The following CALB2 variants were observed in gnomAD, a reference collection of about 807,000 sequenced individuals.
CALB2 encodes calretinin.
In CALB2, 34 loss-of-function variants were observed where a neutral mutation model predicts 45.9. That is an observed-to-expected ratio of 0.74 (90% CI 0.56 to 0.99). CALB2 has a LOEUF of 0.99. CALB2 is among the 50% of genes least tolerant of loss of function. The probability of loss-of-function intolerance (pLI) is 0.00; values close to 1 mark genes in which losing one functional copy is unlikely to be tolerated. For synonymous variants in CALB2, 142 were observed against 129.6 expected (o/e 1.10, Z -0.65); for missense variants, 344 against 339.3 (o/e 1.01, Z -0.11).
intron 1 of CALB2, among the ~76,000 whole-genome samples, chr16:71,370,927 C>T (rs2042343439): frequency 6.6e-6 from 1 of 152,138 alleles, no homozygotes; most frequent in South Asian, 2.1e-4. Context: ...CCTAAAGGAC[C>T]TCTCACTACT....
At chr16:71,369,929 C>T (rs1416059606) in intron 1 of CALB2, among the ~76,000 whole-genome samples, 3 of 152,066 alleles carry the variant, frequency 2.0e-5, no homozygotes, top group Admixed American at 1.3e-4. Context: ...GTCTTTTTGC[C>T]TAGAAAGCCC....
Position 71,389,898 on chromosome 16 carries a change from C to T in CALB2, c.*33C>T, listed in dbSNP as rs200354942. On this transcript the variant is annotated 3_prime_UTR_variant, in exon 11 of 11. Coordinates refer to ENST00000302628, the MANE Select transcript of CALB2 (RefSeq NM_001740.5). ...ACGGGGGCTGCTTCTCCACCTCCCCCAAACCCTGCTTCTGCTGCCCTGATG... is the reference window on the plus strand; with the variant it reads ...ACGGGGGCTGCTTCTCCACCTCCCCTAAACCCTGCTTCTGCTGCCCTGATG... The T allele has an allele frequency of 2.3e-5, 34 of 1,488,472 alleles. No homozygotes were observed. The highest frequency in any genetic ancestry group is 2.1e-4 in the Middle Eastern group (1 of 4,696). 92.2% of individuals were successfully genotyped at this position (1,488,472 alleles called of 1,614,324 possible). A position where few individuals can be genotyped will look rare whatever the true frequency, so the allele number is the denominator to read the frequency against.
At chr16:71,383,343 C>A in intron 5 of CALB2, 24 bp from the exon 6 acceptor site, 3 of 1,611,254 alleles carry the variant, frequency 1.9e-6, no homozygotes, top group Non-Finnish European at 2.5e-6. Flanking sequence ...GTCAGGAGTA[C>A]TAAAGAGGCC....
intron 3 of CALB2, 114 bp from the exon 4 acceptor site, chr16:71,377,553 G>C (rs771299430): frequency 1.8e-5 from 12 of 680,944 alleles, no homozygotes; most frequent in Non-Finnish European, 2.9e-5. Context: ...GGAAGAAAAC[G>C]CAATTCCCAC....
At position 71,384,378 on chromosome 16, in the gene CALB2, G is replaced by A. The variant is rs777512549; in HGVS notation, c.573G>A (p.Gln191=). The part of the protein sequence containing the change: ...PVQENFLLKF[Q]GMKLTSEEFN... Reference sequence around the variant, plus strand: ...AGGAAAACTTCCTGCTTAAATTTCAGGTAAAACTTTGCTTTCCTTCCTTCC... The same window carrying A: ...AGGAAAACTTCCTGCTTAAATTTCAAGTAAAACTTTGCTTTCCTTCCTTCC... The change falls in exon 8 of 11, where the codon CAG becomes CAA. Residue 191 remains glutamine (Q), a splice_region_variant and synonymous_variant. Coordinates refer to ENST00000302628, the MANE Select transcript of CALB2 (RefSeq NM_001740.5). 1.2e-6 allele frequency: 2 copies of A among 1,604,584 alleles called. No homozygotes were observed. The highest frequency in any genetic ancestry group is 1.7e-6 in the Non-Finnish European group (2 of 1,176,716).
At chr16:71,366,024 CTTTTTTTTTTTTT>C (rs1171021532) in intron 1 of CALB2, among the ~76,000 whole-genome samples, 22 of 45,064 alleles carry the variant, frequency 4.9e-4, no homozygotes, top group African/African-American at 2.1e-3. Flanking sequence ...CTCTCTCTCT[CTTTTTTTTTTTTT>C]TTTTTTTGAG....
At chr16:71,385,091 A>G (rs1189570399) in intron 9 of CALB2, among the ~76,000 whole-genome samples, 1 of 152,098 alleles carries the variant, frequency 6.6e-6, no homozygotes, top group East Asian at 1.9e-4. Flanking sequence ...CTAGGGTGTG[A>G]CCACGCTGTC....
chr16:71,379,392 TTGAG>T (rs1005951579), intron 4 of CALB2, among the ~76,000 whole-genome samples: 12 of 152,202 alleles, frequency 7.9e-5, no homozygotes, highest in Admixed American at 5.9e-4. Context: ...TTCATGTCTC[TTGAG>T]TAATATTCAT....
chr16:71,383,214 GT>G (rs1217080460), intron 5 of CALB2, among the ~76,000 whole-genome samples, 152 bp from the exon 6 acceptor site: 1 of 152,152 alleles, frequency 6.6e-6, no homozygotes, highest in East Asian at 1.9e-4. Context: ...CTCCCCAAGA[GT>G]TAGGAATTAT....
chr16:71,384,540 C>A (rs975988695), intron 8 of CALB2, among the ~76,000 whole-genome samples, 162 bp downstream of exon 8: 5 of 135,290 alleles, frequency 3.7e-5, no homozygotes, highest in Middle Eastern at 4.4e-3. Flanking sequence ...ATCACACACA[C>A]AAAACACACA....
chr16:71,376,900 A>G (rs2042423111), intron 3 of CALB2, among the ~76,000 whole-genome samples: 1 of 152,176 alleles, frequency 6.6e-6, no homozygotes, highest in African/African-American at 2.4e-5. Flanking sequence ...GACCCCTCTT[A>G]AGTGCAAGGA....
chr16:71,385,107 C>G (rs371585795), intron 9 of CALB2, among the ~76,000 whole-genome samples: 1 of 152,098 alleles, frequency 6.6e-6, no homozygotes, highest in Non-Finnish European at 1.5e-5. Flanking sequence ...CTGTCGGGAG[C>G]CAAAGGGAAG....
intron 10 of CALB2, among the ~76,000 whole-genome samples, chr16:71,388,739 G>C (rs1181073719): frequency 6.6e-6 from 1 of 151,642 alleles, no homozygotes; most frequent in Non-Finnish European, 1.5e-5. Context: ...ACAGCACTTT[G>C]GGAGGTGGAG....
At chr16:71,388,198 G>T (rs2042591783) in intron 10 of CALB2, among the ~76,000 whole-genome samples, 1 of 152,038 alleles carries the variant, frequency 6.6e-6, no homozygotes, top group South Asian at 2.1e-4. Flanking sequence ...ACTGGATGTA[G>T]TGGCGCCCAC....
chr16:71,379,781 G>A (rs2042465426), intron 4 of CALB2, among the ~76,000 whole-genome samples: 1 of 150,118 alleles, frequency 6.7e-6, no homozygotes, highest in African/African-American at 2.4e-5. Context: ...TCCCCTCCTG[G>A]GCAGACAGTC....
intron 1 of CALB2, among the ~76,000 whole-genome samples, chr16:71,362,881 A>G (rs1263101376): frequency 6.6e-6 from 1 of 152,208 alleles, no homozygotes; most frequent in African/African-American, 2.4e-5. Flanking sequence ...GCAAAACAAT[A>G]AAGATATAAG....
Position 71,358,940 on chromosome 16 carries a change from A to AAGGGGGC in CALB2, c.94+62_94+68dup, listed in dbSNP as rs968030519. ...ATTGGCACCCAGGGGACCTGCGGTG[A>AAGGGGGC]AGGGGGCAGGGGGCGGCGCTGAATG... is the stretch of plus-strand genomic sequence containing the variant. On this transcript the variant is annotated intron_variant, in intron 1 of 10. Transcript: ENST00000302628. 4.0e-6 allele frequency: 6 copies of AAGGGGGC among 1,509,326 alleles called. No homozygotes were observed. The African/African-American group carries it at 8.2e-5, about 21-fold the overall frequency. 93.5% of individuals were successfully genotyped at this position (1,509,326 alleles called of 1,614,324 possible).
At chr16:71,367,336 C>G (rs185495197) in intron 1 of CALB2, among the ~76,000 whole-genome samples, 104 of 152,254 alleles carry the variant, frequency 6.8e-4, no homozygotes, top group Non-Finnish European at 5.6e-4. Context: ...ATGAGCCTTG[C>G]TTGGTGACCA....
intron 4 of CALB2, among the ~76,000 whole-genome samples, chr16:71,382,160 AT>A (rs1345896814): frequency 1.1e-4 from 7 of 63,492 alleles, no homozygotes; most frequent in African/African-American, 3.6e-4. Context: ...AGGAAAGAAA[AT>A]AAAGGAAGGA....
Sources: allele counts gnomAD v4.1 joint callset (sites outside exome capture counted in the v4.1 genomes callset), GRCh38; gene constraint gnomAD v4.1.1; transcripts MANE v1.5; gene names NCBI Gene and HGNC (gene_info 2026-07-23, HGNC 2026-07-21).